KHDRBS3: variants seen among roughly 807,000 people sequenced by gnomAD.
KHDRBS3 encodes the protein KH domain-containing, RNA-binding, signal transduction-associated protein 3.
A neutral mutation model predicts 45.6 loss-of-function variants in KHDRBS3; 23 were observed. The observed-to-expected ratio is 0.50, with a 90% CI of 0.36 to 0.72. The LOEUF (loss-of-function observed/expected upper bound fraction) is 0.72, where lower values mean the gene tolerates loss of function less well. KHDRBS3 is among the 30% of genes least tolerant of loss of function. The probability of loss-of-function intolerance (pLI) is 0.00; values close to 1 mark genes in which losing one functional copy is unlikely to be tolerated. For missense variants in KHDRBS3, 352 were observed against 424.8 expected, an observed-to-expected ratio of 0.83 and a Z score of 1.51; for synonymous variants, 162 against 156.5, an observed-to-expected ratio of 1.04 and a Z score of -0.26.
intron 2 of KHDRBS3, among the ~76,000 whole-genome samples, chr8:135,536,966 CAAAAAAAAAAAAAAAA>C (rs869256475): frequency 2.5e-4 from 3 of 11,778 alleles, no homozygotes; most frequent in Non-Finnish European, 4.1e-4. Context: ...AACTCCATCT[CAAAAAAAAAAAAAAAA>C]AAAAAAAAAA....
intron 7 of KHDRBS3, among the ~76,000 whole-genome samples, chr8:135,636,867 GCTAAC>G (rs1830835406): frequency 6.6e-6 from 1 of 152,192 alleles, no homozygotes; most frequent in Non-Finnish European, 1.5e-5. Flanking sequence ...AGAGGGACAG[GCTAAC>G]CGTAATGTAT....
chr8:135,560,506 A>T (rs1041312241), intron 5 of KHDRBS3, among the ~76,000 whole-genome samples: 2 of 152,136 alleles, frequency 1.3e-5, no homozygotes, highest in Admixed American at 1.3e-4. Context: ...TGTTTAGGGG[A>T]TACTGTGTTC....
intron 1 of KHDRBS3, among the ~76,000 whole-genome samples, chr8:135,491,764 A>G (rs1338655775): frequency 6.6e-6 from 1 of 152,180 alleles, no homozygotes; most frequent in African/African-American, 2.4e-5. Context: ...TAATAAGACA[A>G]CGTTGTTTTA....
chr8:135,468,471 T>G (rs1303456066), intron 1 of KHDRBS3, among the ~76,000 whole-genome samples: 2 of 152,184 alleles, frequency 1.3e-5, no homozygotes, highest in African/African-American at 4.8e-5. Flanking sequence ...ACTCTACGCC[T>G]AGGGACAGCA....
chr8:135,479,340 G>A (rs1313283018), intron 1 of KHDRBS3, among the ~76,000 whole-genome samples: 5 of 152,152 alleles, frequency 3.3e-5, no homozygotes, highest in African/African-American at 9.7e-5. Context: ...TGAGATCCAG[G>A]TGGCGTCACT....
At chr8:135,652,700 C>T (rs1339440435) in intron 4 of KHDRBS3, among the ~76,000 whole-genome samples, 3 of 152,236 alleles carry the variant, frequency 2.0e-5, no homozygotes, top group Admixed American at 2.0e-4. Context: ...TCCCCTCACC[C>T]TGGAGGCCCT....
chr8:135,598,067 G>C (rs942763508), intron 6 of KHDRBS3, among the ~76,000 whole-genome samples: 1 of 152,310 alleles, frequency 6.6e-6, no homozygotes, highest in Admixed American at 6.5e-5. Flanking sequence ...GATGTGGATA[G>C]AATAGCAGCT....
chr8:135,645,881 G>T (rs1468371219), intron 8 of KHDRBS3, among the ~76,000 whole-genome samples: 1 of 152,094 alleles, frequency 6.6e-6, no homozygotes, highest in Non-Finnish European at 1.5e-5. Flanking sequence ...GTGGTTAATG[G>T]ATGTTAGGAC....
chr8:135,558,934 T>A (rs1176539656), intron 5 of KHDRBS3, among the ~76,000 whole-genome samples: 1 of 152,176 alleles, frequency 6.6e-6, no homozygotes, highest in Admixed American at 6.5e-5. Flanking sequence ...TCTCTTCCAG[T>A]TTCTGATGGC....
intron 1 of KHDRBS3, among the ~76,000 whole-genome samples, chr8:135,511,262 C>T (rs1168826275): frequency 6.6e-6 from 1 of 152,196 alleles, no homozygotes; most frequent in Non-Finnish European, 1.5e-5. Context: ...ATTGTATCTA[C>T]TTTGCAGCAG....
intron 6 of KHDRBS3, among the ~76,000 whole-genome samples, chr8:135,582,879 C>A (rs778745014): frequency 5.9e-5 from 9 of 152,198 alleles, no homozygotes; most frequent in Non-Finnish European, 1.2e-4. Flanking sequence ...TAGAAGGTTG[C>A]AATAATCCCC....
At chr8:135,473,675 T>C (rs1822127132) in intron 1 of KHDRBS3, among the ~76,000 whole-genome samples, 1 of 152,200 alleles carries the variant, frequency 6.6e-6, no homozygotes, top group Non-Finnish European at 1.5e-5. Flanking sequence ...ACCTCAGTTC[T>C]TACTTATTTA....
At chr8:135,499,671 T>TA (rs1476442456) in intron 1 of KHDRBS3, among the ~76,000 whole-genome samples, 3 of 152,246 alleles carry the variant, frequency 2.0e-5, no homozygotes, top group Non-Finnish European at 4.4e-5. Flanking sequence ...TTTTTTAAGT[T>TA]ATTCATTTTC....
chr8:135,551,061 A>G (rs1826566933), intron 4 of KHDRBS3, among the ~76,000 whole-genome samples: 1 of 152,052 alleles, frequency 6.6e-6, no homozygotes, highest in South Asian at 2.1e-4. Context: ...TGAGTTTTGT[A>G]TATTGATTTT....
At chr8:135,547,597 A>C (rs535557791) in intron 3 of KHDRBS3, among the ~76,000 whole-genome samples, 1 of 152,290 alleles carries the variant, frequency 6.6e-6, no homozygotes, top group African/African-American at 2.4e-5. Flanking sequence ...CAAATTAGTC[A>C]AGTAACAGAA....
At chr8:135,472,029 G>A (rs1426569628) in intron 1 of KHDRBS3, among the ~76,000 whole-genome samples, 1 of 152,206 alleles carries the variant, frequency 6.6e-6, no homozygotes. Context: ...AGAATGAATA[G>A]CCAGTTGGTC....
At chr8:135,557,711 C>T (rs1047695461) in intron 5 of KHDRBS3, 124 bp downstream of exon 5, 13 of 725,214 alleles carry the variant, frequency 1.8e-5, no homozygotes, top group Non-Finnish European at 3.1e-5. Flanking sequence ...GTGGCACATG[C>T]CTGTAGTCCC....
Position 135,527,258 on chromosome 8 carries a change from T to C in KHDRBS3, c.207+5903T>C, listed in dbSNP as rs1015208573. On this transcript the variant is annotated intron_variant, in intron 2 of 8. Transcript: ENST00000355849. ...TGAATGCAGATGAATAAGTTAATAT[T>C]AATAATACAGGTTGCCCTGAAAGAA... Among the ~76,000 whole-genome samples the C allele has an allele frequency of 5.9e-5, 9 of 152,258 alleles. No individual in the cohort carries two copies. In the East Asian group the frequency reaches 9.7e-4, roughly 16 times the overall value.
At chr8:135,458,226 G>C in intron 1 of KHDRBS3, 1 of 1,227,476 alleles carries the variant, frequency 8.1e-7, no homozygotes, top group African/African-American at 1.6e-5. Flanking sequence ...GCACACCCAG[G>C]GGAAACTTCT....
Sources: gnomAD v4.1 joint callset for allele counts (sites outside exome capture counted in the v4.1 genomes callset) on GRCh38, gnomAD v4.1.1 for gene constraint, MANE v1.5 for transcripts, NCBI Gene and HGNC (gene_info 2026-07-23, HGNC 2026-07-21) for gene names.